TNKS: variants seen among roughly 807,000 people sequenced by gnomAD.
TNKS encodes tankyrase.
In TNKS, 72 loss-of-function variants were observed where a neutral mutation model predicts 135.8. The observed-to-expected ratio is 0.53, with a 90% CI of 0.44 to 0.64. The LOEUF (loss-of-function observed/expected upper bound fraction) is 0.64, where lower values mean the gene tolerates loss of function less well. Ranked by LOEUF, TNKS falls within the 30% of genes least tolerant of loss-of-function variation. TNKS has a pLI of 0.00. For missense variants in TNKS, 1,769 were observed against 1,674.0 expected (o/e 1.06, Z -0.99); for synonymous variants, 849 against 649.3 (o/e 1.31, Z -4.68).
At chr8:9,634,698 C>A (rs1409993906) in intron 3 of TNKS, among the ~76,000 whole-genome samples, 1 of 152,160 alleles carries the variant, frequency 6.6e-6, no homozygotes, top group Non-Finnish European at 1.5e-5. Context: ...ACCTCTATTT[C>A]TGCTACAGAA....
intron 6 of TNKS, 32 bp downstream of exon 6, chr8:9,704,789 T>G: frequency 1.3e-6 from 2 of 1,561,140 alleles, no homozygotes; most frequent in Non-Finnish European, 1.8e-6. Context: ...CTGTCAGTGC[T>G]TTGTTTTTTG....
At chr8:9,663,436 T>A (rs1801828996) in intron 3 of TNKS, among the ~76,000 whole-genome samples, 1 of 152,216 alleles carries the variant, frequency 6.6e-6, no homozygotes, top group Non-Finnish European at 1.5e-5. Context: ...TTACTGCTTA[T>A]TTCACTTCTG....
intron 3 of TNKS, among the ~76,000 whole-genome samples, chr8:9,624,788 T>C (rs1799995246): frequency 6.6e-6 from 1 of 152,186 alleles, no homozygotes; most frequent in Non-Finnish European, 1.5e-5. Context: ...CCCCTGAAGA[T>C]GCAGATGTTC....
At position 9,776,884 on chromosome 8, in the gene TNKS, G is replaced by A. The variant is rs1563230834; in HGVS notation, c.*148G>A. 8.7e-6 allele frequency: 6 copies of A among 690,614 alleles called. No homozygotes were observed. The highest frequency in any genetic ancestry group is 1.5e-5 in the Non-Finnish European group (6 of 413,784). The allele number at this position is 690,614 out of a possible 1,614,324, so 42.8% of individuals were successfully genotyped here. ...TTCTATAAAGCATTGCTATAGTGATGAATAGTATGAGTAACTGATACATAC... is the reference window on the plus strand; with the variant it reads ...TTCTATAAAGCATTGCTATAGTGATAAATAGTATGAGTAACTGATACATAC... On this transcript the variant is annotated 3_prime_UTR_variant, in exon 27 of 27. Transcript: ENST00000310430.
chr8:9,582,393 A>T (rs1229542771), intron 2 of TNKS, among the ~76,000 whole-genome samples: 1 of 152,190 alleles, frequency 6.6e-6, no homozygotes, highest in Non-Finnish European at 1.5e-5. Flanking sequence ...GATTTTTAAA[A>T]GGTTTTTGCC....
chr8:9,750,341 A>G (rs2128827690), intron 18 of TNKS, among the ~76,000 whole-genome samples: 1 of 152,290 alleles, frequency 6.6e-6, no homozygotes, highest in African/African-American at 2.4e-5. Context: ...TGTTAGGTGA[A>G]TACATTTCCT....
chr8:9,676,537 A>G (rs920068670), intron 3 of TNKS, among the ~76,000 whole-genome samples: 2 of 152,112 alleles, frequency 1.3e-5, no homozygotes, highest in Non-Finnish European at 2.9e-5. Context: ...CTTCATTTTT[A>G]CTCAAAAAGT....
chr8:9,596,023 G>A (rs754944871), intron 2 of TNKS, among the ~76,000 whole-genome samples: 1 of 152,128 alleles, frequency 6.6e-6, no homozygotes, highest in Non-Finnish European at 1.5e-5. Flanking sequence ...GAGGCAGAAG[G>A]ATCACTTGAG....
chr8:9,562,552 A>G (rs1797377837), intron 1 of TNKS, among the ~76,000 whole-genome samples: 3 of 152,076 alleles, frequency 2.0e-5, no homozygotes, highest in Non-Finnish European at 1.5e-5. Flanking sequence ...ATCTGCCTTT[A>G]TATTTAAAGT....
chr8:9,655,417 G>T (rs1419626424), intron 3 of TNKS, among the ~76,000 whole-genome samples: 2 of 152,212 alleles, frequency 1.3e-5, no homozygotes, highest in African/African-American at 4.8e-5. Context: ...CACGCAGCTT[G>T]AGATCCGAGA....
chr8:9,596,509 A>G (rs1433223328), intron 2 of TNKS, among the ~76,000 whole-genome samples: 5 of 152,222 alleles, frequency 3.3e-5, no homozygotes, highest in African/African-American at 1.2e-4. Context: ...TCTTTTTAAA[A>G]ATATGGTGGG....
intron 2 of TNKS, among the ~76,000 whole-genome samples, chr8:9,613,192 C>T (rs992473616): frequency 6.6e-6 from 1 of 152,196 alleles, no homozygotes; most frequent in African/African-American, 2.4e-5. Context: ...AAAATATTTA[C>T]TATCAGGCCT....
At chr8:9,723,297 T>C (rs1312729776) in intron 12 of TNKS, among the ~76,000 whole-genome samples, 1 of 152,098 alleles carries the variant, frequency 6.6e-6, no homozygotes, top group Admixed American at 6.5e-5. Flanking sequence ...ATTAACCCAA[T>C]ATCAGGTTAT....
In TNKS at chr8:9,568,885, AT is replaced by A. The variant is rs530611677; in HGVS notation, c.674-11267del. Among the ~76,000 whole-genome samples the A allele has an allele frequency of 4.3e-3, 648 of 152,302 alleles. 1 individual carries two copies. The highest frequency in any genetic ancestry group is 0.015 in the African/African-American group (604 of 41,562). ...GTAGAATCTGAAGCCAAATCAGTGA[AT>A]TTTTTTATACTTCTGCTGTGTTAGA... On this transcript the variant is annotated intron_variant, in intron 1 of 26. Transcript: ENST00000310430.
chr8:9,639,954 C>G (rs1800661339), intron 3 of TNKS, among the ~76,000 whole-genome samples: 1 of 152,172 alleles, frequency 6.6e-6, no homozygotes, highest in African/African-American at 2.4e-5. Context: ...TGTGCTTTTA[C>G]TTACTCAACG....
chr8:9,611,049 A>G (rs1799441462), intron 2 of TNKS, among the ~76,000 whole-genome samples: 1 of 152,218 alleles, frequency 6.6e-6, no homozygotes, highest in Non-Finnish European at 1.5e-5. Flanking sequence ...GAAATGGGAA[A>G]ATCGTGTGTC....
At chr8:9,676,528 T>C (rs1037699176) in intron 3 of TNKS, among the ~76,000 whole-genome samples, 1 of 152,214 alleles carries the variant, frequency 6.6e-6, no homozygotes, top group Admixed American at 6.5e-5. Context: ...TTAAGTTTTC[T>C]TCATTTTTAC....
intron 1 of TNKS, among the ~76,000 whole-genome samples, chr8:9,560,380 C>G (rs1797275442): frequency 6.9e-6 from 1 of 144,442 alleles, no homozygotes; most frequent in South Asian, 2.2e-4. Context: ...AACTAGTTTT[C>G]TTTGTTGGGT....
rs905746299 is a variant in TNKS at position 9,780,533 on chromosome 8, C to T, written c.*3797C>T. 2 of 152,240 alleles carry T rather than the reference C, an allele frequency of 1.3e-5. No homozygotes were observed. Among genetic ancestry groups the T allele is most frequent in the African/African-American group, 4.8e-5 (2 of 41,446 alleles). 9.4% of individuals were successfully genotyped at this position (152,240 alleles called of 1,614,324 possible). A position where few individuals can be genotyped will look rare whatever the true frequency, so the allele number is the denominator to read the frequency against. On this transcript the variant is annotated 3_prime_UTR_variant, in exon 27 of 27. Transcript: ENST00000310430. ...AAAGTGATGTTTGAGCTATTGTACA[C>T]ATCTAGCATATGGAAAGCAAATGCA...
Sources: allele counts gnomAD v4.1 joint callset (sites outside exome capture counted in the v4.1 genomes callset), GRCh38; gene constraint gnomAD v4.1.1; transcripts MANE v1.5; gene names NCBI Gene and HGNC (gene_info 2026-07-23, HGNC 2026-07-21).